Variants in DLGAP2 observed in about 807,000 individuals in gnomAD.
DLGAP2 encodes DLG associated protein 2, also known as disks large-associated protein 2.
Under a neutral mutation model 100.3 loss-of-function variants are expected in DLGAP2, and 26 were observed. The observed-to-expected ratio is 0.26, with a 90% CI of 0.19 to 0.36. The LOEUF is 0.36. Ranked by LOEUF, DLGAP2 falls within the 10% of genes least tolerant of loss-of-function variation. DLGAP2 has a pLI of 1.00. For synonymous variants in DLGAP2, 886 were observed against 630.1 expected, an observed-to-expected ratio of 1.41 and a Z score of -6.08; for missense variants, 1,858 against 1,453.2, an observed-to-expected ratio of 1.28 and a Z score of -4.53.
chr8:950,361 C>G (rs1029803408), intron 2 of DLGAP2, among the ~76,000 whole-genome samples: 11 of 152,172 alleles, frequency 7.2e-5, no homozygotes, highest in Admixed American at 3.3e-4. Flanking sequence ...TTCAATATCC[C>G]TTTGTTCAAC....
At chr8:1,580,847 C>G (rs1380845893) in intron 6 of DLGAP2, among the ~76,000 whole-genome samples, 1 of 150,400 alleles carries the variant, frequency 6.6e-6, no homozygotes, top group Non-Finnish European at 1.5e-5. Flanking sequence ...CCCCACACAT[C>G]TACACACCAT....
intron 2 of DLGAP2, among the ~76,000 whole-genome samples, chr8:934,567 G>A (rs1342857173): frequency 1.3e-5 from 2 of 152,178 alleles, no homozygotes; most frequent in Non-Finnish European, 1.5e-5. Context: ...AGGGGGTGGA[G>A]AGGAAGCGAG....
rs148082559 is a variant in DLGAP2, at chr8:1,138,707, G to A, written c.74-120144G>A. ...TTGAAGCCAAGTTTCAGTCTGCAGC[G>A]GTGCCTTCTCTTCCTGTTTATTTAC... On this transcript the variant is annotated intron_variant, in intron 2 of 14. Coordinates refer to ENST00000637795, the MANE Select transcript of DLGAP2 (RefSeq NM_001346810.2). Among the ~76,000 whole-genome samples the A allele has an allele frequency of 1.8e-4, 28 of 152,248 alleles. 1 individual carries two copies. Among genetic ancestry groups the A allele is most frequent in the Admixed American group, 1.2e-3 (19 of 15,286 alleles).
chr8:903,411 A>G (rs1798303018), intron 1 of DLGAP2, among the ~76,000 whole-genome samples: 1 of 152,052 alleles, frequency 6.6e-6, no homozygotes, highest in Non-Finnish European at 1.5e-5. Flanking sequence ...TCAGCTCAAT[A>G]CATGTGCAAG....
chr8:1,627,389 G>A (rs571358368), intron 7 of DLGAP2, among the ~76,000 whole-genome samples: 29 of 152,274 alleles, frequency 1.9e-4, no homozygotes, highest in African/African-American at 7.0e-4. Flanking sequence ...AAGGGTCCCT[G>A]GGCACCACGG....
At chr8:938,172 A>G (rs1799114418) in intron 2 of DLGAP2, among the ~76,000 whole-genome samples, 1 of 152,100 alleles carries the variant, frequency 6.6e-6, no homozygotes, top group Non-Finnish European at 1.5e-5. Context: ...CTCAATGACA[A>G]GTTAGACTCA....
intron 10 of DLGAP2, among the ~76,000 whole-genome samples, chr8:1,673,569 A>G (rs1798741255): frequency 6.6e-6 from 1 of 152,152 alleles, no homozygotes; most frequent in African/African-American, 2.4e-5. Flanking sequence ...CTTTAATGTA[A>G]TATACATACC....
At chr8:1,548,076 C>G (rs1268139263) in intron 4 of DLGAP2, among the ~76,000 whole-genome samples, 1 of 152,150 alleles carries the variant, frequency 6.6e-6, no homozygotes, top group East Asian at 1.9e-4. Flanking sequence ...TGTCAAGAGA[C>G]CTGTTCAATC....
chr8:908,592 G>A (rs921740008), intron 2 of DLGAP2, among the ~76,000 whole-genome samples: 1 of 152,142 alleles, frequency 6.6e-6, no homozygotes, highest in Non-Finnish European at 1.5e-5. Context: ...AAAAAACTTC[G>A]TTATCATTAC....
intron 2 of DLGAP2, among the ~76,000 whole-genome samples, chr8:1,178,133 G>C (rs10108927): frequency 0.46 from 70,013 of 151,982 alleles, 18,370 homozygotes; most frequent in Admixed American, 0.61. Flanking sequence ...GCCTTGGAGA[G>C]AACTAGGGAC....
chr8:1,289,394 A>T (rs140661008), intron 3 of DLGAP2, among the ~76,000 whole-genome samples: 80 of 152,292 alleles, frequency 5.3e-4, no homozygotes, highest in African/African-American at 1.9e-3. Context: ...CCTCAATTCC[A>T]CTGTTAGTTC....
chr8:1,424,178 G>A (rs993015746), intron 3 of DLGAP2, among the ~76,000 whole-genome samples: 7 of 152,190 alleles, frequency 4.6e-5, no homozygotes, highest in Non-Finnish European at 8.8e-5. Flanking sequence ...TCTCTTTCAC[G>A]CAAGTTGAGA....
intron 3 of DLGAP2, among the ~76,000 whole-genome samples, chr8:1,490,995 G>A (rs1485100200): frequency 7.0e-6 from 1 of 142,590 alleles, no homozygotes; most frequent in Non-Finnish European, 1.5e-5. Context: ...TGCACATTGT[G>A]CACATGTACC....
intron 7 of DLGAP2, among the ~76,000 whole-genome samples, chr8:1,627,896 T>C (rs567472037): frequency 5.0e-4 from 69 of 138,004 alleles, no homozygotes; most frequent in African/African-American, 1.3e-3. Context: ...AATTAAGAGC[T>C]TGAGCCGACC....
At chr8:1,201,974 CTG>C (rs1022792753) in intron 2 of DLGAP2, among the ~76,000 whole-genome samples, 14 of 144,626 alleles carry the variant, frequency 9.7e-5, no homozygotes, top group South Asian at 8.5e-4. Flanking sequence ...TGTACAGTAT[CTG>C]TGTATCTGTG....
chr8:1,504,614 A>C (rs1799840787), intron 4 of DLGAP2, among the ~76,000 whole-genome samples: 1 of 152,166 alleles, frequency 6.6e-6, no homozygotes, highest in Admixed American at 6.5e-5. Context: ...ATGCTTTCAG[A>C]TTCCACGTGT....
chr8:1,528,189 C>A (rs540916571), intron 4 of DLGAP2, among the ~76,000 whole-genome samples: 6 of 152,332 alleles, frequency 3.9e-5, no homozygotes, highest in African/African-American at 1.4e-4. Flanking sequence ...CTGGGTTCCA[C>A]TGCTGGAACA....
intron 1 of DLGAP2, among the ~76,000 whole-genome samples, chr8:831,120 A>T (rs1342694810): frequency 2.0e-5 from 3 of 148,550 alleles, no homozygotes; most frequent in Non-Finnish European, 3.0e-5. Flanking sequence ...CTGGTCTTGA[A>T]CTCCTGACAT....
chr8:1,187,093 C>T (rs75801278), intron 2 of DLGAP2, among the ~76,000 whole-genome samples: 1 of 151,728 alleles, frequency 6.6e-6, no homozygotes, highest in Admixed American at 6.6e-5. Flanking sequence ...GGAGATGCAT[C>T]AATACGTTCA....
Sources: gnomAD v4.1 joint callset for allele counts (sites outside exome capture counted in the v4.1 genomes callset) on GRCh38, gnomAD v4.1.1 for gene constraint, MANE v1.5 for transcripts, NCBI Gene and HGNC (gene_info 2026-07-23, HGNC 2026-07-21) for gene names.